MYRIP: variants seen among roughly 807,000 people sequenced by gnomAD.
MYRIP encodes the protein rab effector MyRIP.
In MYRIP, 49 loss-of-function variants were observed where a neutral mutation model predicts 98.0. The observed-to-expected ratio is 0.50, with a 90% confidence interval of 0.40 to 0.63. The LOEUF (loss-of-function observed/expected upper bound fraction) is 0.63, where lower values mean the gene tolerates loss of function less well. Ranked by LOEUF, MYRIP falls within the 30% of genes least tolerant of loss-of-function variation. MYRIP has a pLI of 0.00. For missense variants in MYRIP, 1,004 were observed against 1,058.2 expected (o/e 0.95, Z 0.71); for synonymous variants, 404 against 409.5 (o/e 0.99, Z 0.16).
rs531525454 is a variant in MYRIP at position 39,852,352 on chromosome 3, A to G, written c.-31+42436A>G. Among the ~76,000 whole-genome samples, 4 of 152,298 alleles carry G rather than the reference A, an allele frequency of 2.6e-5. No individual in the cohort carries two copies. The South Asian group carries it at 8.3e-4, about 32-fold the overall frequency. On this transcript the variant is annotated intron_variant, in intron 1 of 16. Transcript: ENST00000302541. Reference sequence around the variant, plus strand: ...AGGGAGTACAACCAGACCCTGCTCAATGACAGGCCTCAGCCTGTGGCCCTG... The same window carrying G: ...AGGGAGTACAACCAGACCCTGCTCAGTGACAGGCCTCAGCCTGTGGCCCTG...
intron 3 of MYRIP, among the ~76,000 whole-genome samples, chr3:40,137,396 C>T (rs1012811305): frequency 3.3e-5 from 5 of 152,294 alleles, no homozygotes; most frequent in African/African-American, 7.2e-5. Context: ...TCATCAATAG[C>T]TTACCAACCA....
chr3:39,854,627 A>T (rs559733756), intron 1 of MYRIP, among the ~76,000 whole-genome samples: 1 of 152,084 alleles, frequency 6.6e-6, no homozygotes, highest in Admixed American at 6.5e-5. Context: ...AACCTTCTGA[A>T]TTCTTTTTCT....
intron 2 of MYRIP, among the ~76,000 whole-genome samples, chr3:39,958,680 G>T (rs1945240243): frequency 6.6e-6 from 1 of 152,132 alleles, no homozygotes; most frequent in East Asian, 1.9e-4. Flanking sequence ...TTGACAAATG[G>T]GATCTAATTA....
At chr3:39,867,071 G>T (rs1025495826) in intron 1 of MYRIP, among the ~76,000 whole-genome samples, 1 of 152,176 alleles carries the variant, frequency 6.6e-6, no homozygotes, top group Non-Finnish European at 1.5e-5. Context: ...AGCATTCACA[G>T]TGGGCAAAGG....
At chr3:39,964,937 G>A (rs771860805) in intron 2 of MYRIP, among the ~76,000 whole-genome samples, 5 of 151,982 alleles carry the variant, frequency 3.3e-5, no homozygotes, top group Non-Finnish European at 7.4e-5. Flanking sequence ...TTCTAGTTTT[G>A]AAAGGAAACT....
At chr3:40,090,187 T>G (rs772004016) in intron 3 of MYRIP, among the ~76,000 whole-genome samples, 18 of 152,126 alleles carry the variant, frequency 1.2e-4, no homozygotes, top group Admixed American at 2.0e-4. Flanking sequence ...CCCTGATCTT[T>G]CTGGGCCTCA....
intron 5 of MYRIP, 151 bp from the exon 6 acceptor site, chr3:40,166,695 G>A (rs1213438827): frequency 3.3e-6 from 2 of 600,572 alleles, no homozygotes. Context: ...GGCAGTGTGA[G>A]GCAGGTGGGA....
intron 2 of MYRIP, among the ~76,000 whole-genome samples, chr3:40,006,388 C>T (rs533008145): frequency 6.7e-6 from 1 of 149,936 alleles, no homozygotes; most frequent in South Asian, 2.1e-4. Context: ...GACTCTGTCT[C>T]AAAAAAAAAG....
In MYRIP at chr3:40,189,972, GAGATGGGCTC is replaced by G; in HGVS notation, c.1175_1184del (p.Glu392AlafsTer13). 6.2e-7 allele frequency: 1 copy of G among 1,614,130 alleles called. No homozygotes were observed. Among genetic ancestry groups the G allele is most frequent in the Non-Finnish European group, 8.5e-7 (1 of 1,180,020 alleles). ...CTCCAGTGTGGCATCTGCCTACGATGAGATGGGCTCCGATAGCGAGGAAGACTTTGACTGG... is the reference window on the plus strand; with the variant it reads ...CTCCAGTGTGGCATCTGCCTACGATGCGATAGCGAGGAAGACTTTGACTGG... On this transcript the variant is annotated frameshift_variant, in exon 10 of 17. Coordinates refer to ENST00000302541, the MANE Select transcript of MYRIP (RefSeq NM_015460.4). LOFTEE classifies it high-confidence loss of function.
intron 2 of MYRIP, among the ~76,000 whole-genome samples, chr3:39,983,259 A>G (rs1945939571): frequency 6.6e-6 from 1 of 152,222 alleles, no homozygotes; most frequent in Non-Finnish European, 1.5e-5. Flanking sequence ...AGTCAGGAAA[A>G]GGGGAAATAC....
chr3:40,192,982 A>G (rs757870972), intron 10 of MYRIP, among the ~76,000 whole-genome samples: 14 of 152,220 alleles, frequency 9.2e-5, no homozygotes, highest in Non-Finnish European at 1.8e-4. Flanking sequence ...ACCAAAGCTC[A>G]TCTCCAACTC....
rs117843341 is a variant in MYRIP, at chr3:39,979,840, T to C, written c.111-64210T>C. On this transcript the variant is annotated intron_variant, in intron 2 of 16. Transcript: ENST00000302541. ...ACACAGCCATCACATAAATACTTTGTCACCTTTACACAGCACCAACATGAT... is the reference window on the plus strand; with the variant it reads ...ACACAGCCATCACATAAATACTTTGCCACCTTTACACAGCACCAACATGAT... Among the ~76,000 whole-genome samples the C allele has an allele frequency of 1.3e-3, 195 of 152,268 alleles. 2 individuals carry two copies. The East Asian group carries it at 0.035, about 27-fold the overall frequency.
intron 16 of MYRIP, among the ~76,000 whole-genome samples, chr3:40,254,914 C>T (rs1375990049): frequency 1.3e-5 from 2 of 152,136 alleles, no homozygotes; most frequent in African/African-American, 4.8e-5. Context: ...TATTTTGTTA[C>T]CTTTTATCCT....
intron 2 of MYRIP, among the ~76,000 whole-genome samples, chr3:40,003,616 T>A (rs1226418292): frequency 1.3e-5 from 2 of 152,124 alleles, no homozygotes; most frequent in African/African-American, 4.8e-5. Context: ...ATGCACCTTT[T>A]CTCCATTGCA....
At chr3:40,020,759 T>C (rs1946973084) in intron 2 of MYRIP, among the ~76,000 whole-genome samples, 1 of 152,186 alleles carries the variant, frequency 6.6e-6, no homozygotes, top group Non-Finnish European at 1.5e-5. Context: ...ATTTTTCTAA[T>C]TTATAATTTT....
chr3:40,151,015 T>G, intron 3 of MYRIP, 33 bp from the exon 4 acceptor site: 1 of 1,514,894 alleles, frequency 6.6e-7, no homozygotes, highest in Non-Finnish European at 8.9e-7. Flanking sequence ...TTAATAATTC[T>G]AATTTTGTGT....
At chr3:40,101,229 G>T in intron 3 of MYRIP, among the ~76,000 whole-genome samples, 1 of 152,028 alleles carries the variant, frequency 6.6e-6, no homozygotes, top group Admixed American at 6.6e-5. Flanking sequence ...TATAGTCTTT[G>T]TTACATCAGT....
chr3:40,153,552 T>G (rs7644914), intron 4 of MYRIP, among the ~76,000 whole-genome samples: 35,326 of 152,154 alleles, frequency 0.23, 4,632 homozygotes, highest in South Asian at 0.41. Flanking sequence ...CATTAATTAC[T>G]GCTGAATTTT....
At chr3:39,879,212 CTTA>C (rs1278262886) in intron 1 of MYRIP, among the ~76,000 whole-genome samples, 1 of 151,634 alleles carries the variant, frequency 6.6e-6, no homozygotes, top group East Asian at 1.9e-4. Flanking sequence ...GTTATCCTTT[CTTA>C]TTCTAACTTG....
Sources: allele counts gnomAD v4.1 joint callset (sites outside exome capture counted in the v4.1 genomes callset), GRCh38; gene constraint gnomAD v4.1.1; transcripts MANE v1.5; gene names NCBI Gene and HGNC (gene_info 2026-07-23, HGNC 2026-07-21).